SLC25A26: variants seen among roughly 807,000 people sequenced by gnomAD.
SLC25A26 encodes mitochondrial S-adenosylmethionine carrier protein.
In SLC25A26, 36 loss-of-function variants were observed where a neutral mutation model predicts 37.8. That is an observed-to-expected ratio of 0.95 (90% CI 0.73 to 1.26). The LOEUF is 1.26. Ranked by LOEUF, SLC25A26 falls within the 50% of genes most tolerant of loss-of-function variation. SLC25A26 has a pLI of 0.00. For synonymous variants in SLC25A26, 129 were observed against 122.5 expected (o/e 1.05, Z -0.35); for missense variants, 390 against 331.1 (o/e 1.18, Z -1.38).
chr3:66,292,865 T>C (rs1278066238), intron 5 of SLC25A26, among the ~76,000 whole-genome samples: 1 of 152,226 alleles, frequency 6.6e-6, no homozygotes, highest in Non-Finnish European at 1.5e-5. Context: ...TCCTGGATAA[T>C]ATCCTGCAGA....
At chr3:66,170,791 G>GTTGTTTTTTTTTTTT (rs2070484512) in intron 1 of SLC25A26, among the ~76,000 whole-genome samples, 1 of 50,894 alleles carries the variant, frequency 2.0e-5, no homozygotes, top group East Asian at 8.0e-4. Flanking sequence ...TGTGATTATT[G>GTTGTTTTTTTTTTTT]TTTTTTTTTT....
At chr3:66,255,456 A>T (rs1012082697) in intron 3 of SLC25A26, among the ~76,000 whole-genome samples, 2 of 150,180 alleles carry the variant, frequency 1.3e-5, no homozygotes, top group African/African-American at 4.9e-5. Context: ...GGAGGCCAGC[A>T]TTGCATTTTG....
At chr3:66,259,979 G>A (rs893856258) in intron 3 of SLC25A26, among the ~76,000 whole-genome samples, 9 of 152,162 alleles carry the variant, frequency 5.9e-5, no homozygotes, top group African/African-American at 2.2e-4. Flanking sequence ...GTGTTGGTGG[G>A]ACTGCCGCTG....
At chr3:66,351,556 G>A (rs1055038117) in intron 6 of SLC25A26, among the ~76,000 whole-genome samples, 1 of 152,084 alleles carries the variant, frequency 6.6e-6, no homozygotes, top group African/African-American at 2.4e-5. Flanking sequence ...CAACTTGCAT[G>A]TTTATAGCTC....
intron 1 of SLC25A26, among the ~76,000 whole-genome samples, chr3:66,221,853 C>T (rs1438184862): frequency 6.7e-6 from 1 of 150,328 alleles, no homozygotes; most frequent in Admixed American, 6.7e-5. Flanking sequence ...GTGGAATGGG[C>T]AGAGACAGAC....
At chr3:66,245,344 T>G (rs2072783806) in intron 3 of SLC25A26, among the ~76,000 whole-genome samples, 1 of 152,152 alleles carries the variant, frequency 6.6e-6, no homozygotes, top group African/African-American at 2.4e-5. Flanking sequence ...TTAACTTATC[T>G]TTCTCCCTAC....
At chr3:66,334,824 T>C (rs1042297310) in intron 5 of SLC25A26, among the ~76,000 whole-genome samples, 1 of 151,602 alleles carries the variant, frequency 6.6e-6, no homozygotes, top group African/African-American at 2.4e-5. Context: ...ACACGTGTGA[T>C]GTATGCCACC....
At chr3:66,337,366 T>C (rs2076113275) in intron 5 of SLC25A26, among the ~76,000 whole-genome samples, 3 of 152,094 alleles carry the variant, frequency 2.0e-5, no homozygotes, top group Admixed American at 2.0e-4. Flanking sequence ...AGCTAGAATG[T>C]CCTACACATT....
chr3:66,295,014 A>G (rs1460896341), intron 5 of SLC25A26, among the ~76,000 whole-genome samples: 2 of 152,222 alleles, frequency 1.3e-5, no homozygotes, highest in Non-Finnish European at 2.9e-5. Context: ...ATAAAGTTAG[A>G]CGTATGCTGA....
intron 5 of SLC25A26, among the ~76,000 whole-genome samples, chr3:66,278,608 C>G (rs1440218018): frequency 1.3e-5 from 2 of 152,058 alleles, no homozygotes; most frequent in Non-Finnish European, 2.9e-5. Context: ...CTTCCCCAAC[C>G]CTGTCTCATC....
chr3:66,134,182 AAC>A (rs1406023700), intron 1 of SLC25A26, among the ~76,000 whole-genome samples: 1 of 152,218 alleles, frequency 6.6e-6, no homozygotes, highest in Non-Finnish European at 1.5e-5. Flanking sequence ...TTTCCATTTA[AAC>A]ACAGATATCC....
intron 2 of SLC25A26, among the ~76,000 whole-genome samples, chr3:66,240,226 A>G (rs2072507846): frequency 6.6e-6 from 1 of 152,188 alleles, no homozygotes; most frequent in African/African-American, 2.4e-5. Flanking sequence ...GGAGGTGGCA[A>G]AGAGGTTACT....
At position 66,175,270 on chromosome 3, in the gene SLC25A26, G is replaced by T. The variant is rs148815984; in HGVS notation, c.-354+41286G>T. On this transcript the variant is annotated intron_variant, in intron 1 of 10. Coordinates refer to the SLC25A26 transcript ENST00000676754. The stretch of plus-strand genomic sequence containing the variant: ...GATGGAGTCTTGCTGTGTCACCTAG[G>T]CTGAACTGTTGTGGCATGATCTTGG... Among the ~76,000 whole-genome samples, 709 of 151,528 alleles carry T rather than the reference G, an allele frequency of 4.7e-3. 7 individuals carry two copies. Among genetic ancestry groups the T allele is most frequent in the African/African-American group, 0.016 (671 of 41,326 alleles).
chr3:66,340,716 T>G (rs2076190540), intron 5 of SLC25A26, among the ~76,000 whole-genome samples: 1 of 152,122 alleles, frequency 6.6e-6, no homozygotes, highest in African/African-American at 2.4e-5. Context: ...GCCTTGTTAC[T>G]CTGATCACTG....
intron 2 of SLC25A26, 61 bp downstream of exon 2, chr3:66,236,761 T>G: frequency 7.5e-7 from 1 of 1,339,336 alleles, no homozygotes; most frequent in Non-Finnish European, 1.0e-6. Context: ...CAGAATGGTG[T>G]GTGGTCTTAC....
At chr3:66,170,204 A>G (rs565678951) in intron 1 of SLC25A26, among the ~76,000 whole-genome samples, 1 of 152,352 alleles carries the variant, frequency 6.6e-6, no homozygotes, top group African/African-American at 2.4e-5. Context: ...TAAGATATGC[A>G]AAAATGGAGC....
At chr3:66,366,256 C>T (rs2076822599) in intron 7 of SLC25A26, among the ~76,000 whole-genome samples, 1 of 152,118 alleles carries the variant, frequency 6.6e-6, no homozygotes, top group South Asian at 2.1e-4. Flanking sequence ...TTAGACTGTT[C>T]CTTGTATTTA....
At chr3:66,289,713 T>C (rs1016389673) in intron 5 of SLC25A26, among the ~76,000 whole-genome samples, 8 of 152,082 alleles carry the variant, frequency 5.3e-5, no homozygotes, top group Admixed American at 6.6e-5. Flanking sequence ...GCTGTTTTGG[T>C]TTACTGTGCC....
At chr3:66,258,119 C>T (rs2073377568) in intron 3 of SLC25A26, among the ~76,000 whole-genome samples, 1 of 152,148 alleles carries the variant, frequency 6.6e-6, no homozygotes, top group Non-Finnish European at 1.5e-5. Flanking sequence ...TCTCATGTTC[C>T]TAACGCTTTG....
Sources: allele counts gnomAD v4.1 joint callset (sites outside exome capture counted in the v4.1 genomes callset), GRCh38; gene constraint gnomAD v4.1.1; transcripts MANE v1.5; gene names NCBI Gene and HGNC (gene_info 2026-07-23, HGNC 2026-07-21).